The following HEATR5B variants were observed in gnomAD, a reference collection of about 807,000 sequenced individuals.
HEATR5B encodes HEAT repeat containing 5B.
Under a neutral mutation model 224.1 loss-of-function variants are expected in HEATR5B, and 156 were observed. That is an observed-to-expected ratio of 0.70 (90% CI 0.61 to 0.80). HEATR5B has a LOEUF of 0.80. Among genes scored for constraint, HEATR5B ranks in the 30% least tolerant of loss-of-function variants. The probability of loss-of-function intolerance (pLI) is 0.00; values close to 1 mark genes in which losing one functional copy is unlikely to be tolerated. For missense variants in HEATR5B, 2,323 were observed against 2,535.5 expected (o/e 0.92, Z 1.80); for synonymous variants, 1,027 against 893.0 (o/e 1.15, Z -2.68).
At chr2:37,033,394 C>T (rs963808851) in intron 21 of HEATR5B, among the ~76,000 whole-genome samples, 2 of 152,170 alleles carry the variant, frequency 1.3e-5, no homozygotes, top group East Asian at 1.9e-4. Context: ...ATCTTCTGCA[C>T]ATCTTATTTT....
intron 21 of HEATR5B, 44 bp from the exon 22 acceptor site, chr2:37,032,817 G>A (rs745629372): frequency 1.3e-6 from 2 of 1,549,324 alleles, no homozygotes; most frequent in Non-Finnish European, 1.8e-6. Flanking sequence ...TTAAAAAGCT[G>A]TAATTCTTTA....
chr2:37,075,718 G>T, intron 4 of HEATR5B, 84 bp from the exon 5 acceptor site: 1 of 932,244 alleles, frequency 1.1e-6, no homozygotes, highest in Non-Finnish European at 1.6e-6. Flanking sequence ...AGTTCTTTGG[G>T]TCTAATGGTC....
chr2:37,034,840 G>C (rs138823182), intron 21 of HEATR5B, among the ~76,000 whole-genome samples: 1 of 151,920 alleles, frequency 6.6e-6, no homozygotes, highest in Non-Finnish European at 1.5e-5. Flanking sequence ...TTACAGGTGT[G>C]AGCCACCGCA....
intron 35 of HEATR5B, among the ~76,000 whole-genome samples, chr2:36,988,220 T>G (rs1666076169): frequency 6.6e-6 from 1 of 151,620 alleles, no homozygotes; most frequent in African/African-American, 2.4e-5. Context: ...AAGAAAAAAA[T>G]CAACTCACTA....
At chr2:37,050,675 A>G (rs1427680171) in intron 17 of HEATR5B, among the ~76,000 whole-genome samples, 1 of 152,200 alleles carries the variant, frequency 6.6e-6, no homozygotes, top group African/African-American at 2.4e-5. Flanking sequence ...TGAATATGAA[A>G]CTGAATAGTT....
intron 34 of HEATR5B, 102 bp downstream of exon 34, chr2:36,990,546 A>C: frequency 1.8e-6 from 2 of 1,094,806 alleles, no homozygotes; most frequent in Non-Finnish European, 2.6e-6. Context: ...TAGTGCAAAT[A>C]CTTAGCTTTT....
intron 26 of HEATR5B, among the ~76,000 whole-genome samples, chr2:37,017,522 T>C (rs1158314170): frequency 6.7e-6 from 1 of 149,288 alleles, no homozygotes; most frequent in African/African-American, 2.5e-5. Context: ...CCGTCTCTAC[T>C]AAAAATACAA....
chr2:37,076,813 T>G, intron 4 of HEATR5B, 98 bp downstream of exon 4: 10 of 857,316 alleles, frequency 1.2e-5, no homozygotes, highest in Non-Finnish European at 1.9e-5. Context: ...CTAAGCAATA[T>G]GAGACCACAG....
chr2:37,019,840 G>A lies in HEATR5B; in HGVS notation c.4073C>T (p.Thr1358Ile), dbSNP rs780540401. The change falls in exon 26 of 36, where the codon ACA becomes ATA. Residue 1358 changes from threonine (T) to isoleucine (I), a missense_variant. Thr to Ile is a moderately conservative substitution (Grantham distance 89, BLOSUM62 -1). Around this residue, in one of 12 missense-constraint regions of HEATR5B, gnomAD observed 339 missense variants for 378.4 expected, o/e 0.90. Coordinates refer to ENST00000233099, the MANE Select transcript of HEATR5B (RefSeq NM_019024.3). ...AGCTTTCGCTATTATATCTGATGGT[G>A]TATCTTGTGAAAAGGCTGGTCTTAG... The part of the protein sequence containing the change: ...AALRPAFSQD[T>I]PSDIIAKACQ... The A allele has an allele frequency of 6.2e-7, 1 of 1,610,426 alleles. No individual in the cohort carries two copies.
intron 10 of HEATR5B, among the ~76,000 whole-genome samples, chr2:37,063,396 C>T (rs1045509514): frequency 5.3e-5 from 8 of 152,034 alleles, no homozygotes; most frequent in African/African-American, 1.4e-4. Context: ...TTTGAATGAA[C>T]GGCGGAATGA....
In HEATR5B at chr2:37,068,685, G is replaced by C; in HGVS notation, c.1173C>G (p.Ala391=). The C allele has an allele frequency of 1.9e-6, 3 of 1,613,840 alleles. No individual in the cohort carries two copies. The highest frequency in any genetic ancestry group is 2.5e-6 in the Non-Finnish European group (3 of 1,179,950). The change falls in exon 8 of 36, where the codon GCC becomes GCG. Residue 391 remains alanine, a synonymous_variant. Transcript: ENST00000233099. ...CATAATGATACTGATTCTTACCTAC[G>C]GCTTTCATTTGTTTTCCAATAGCTT... is the stretch of plus-strand genomic sequence containing the variant. ...ICQAIGKQMK[A]VEAVVNDTSG...
chr2:37,048,303 G>A (rs1445315232), intron 18 of HEATR5B, among the ~76,000 whole-genome samples: 3 of 151,576 alleles, frequency 2.0e-5, no homozygotes, highest in Admixed American at 6.6e-5. Context: ...TCCCATCTCA[G>A]CCTCCCAAGT....
In HEATR5B at chr2:36,981,669, T is replaced by C. The variant is rs377740028; in HGVS notation, c.6037A>G (p.Ile2013Val). Residue 2013 changes from isoleucine to valine, a missense_variant, in exon 36 of 36, where the codon ATT (isoleucine) becomes GTT (valine). This residue lies in a region of HEATR5B where 844 missense variants were observed against 812.9 expected (regional missense o/e 1.04). Transcript: ENST00000233099. ...HEFALQNLMH[I>V]GPLYPHAFKT... Reference sequence around the variant, plus strand: ...AAAGCATGTGGATACAGAGGTCCAATATGCATTAAATTCTGGAGTGCAAAC... The same window carrying C: ...AAAGCATGTGGATACAGAGGTCCAACATGCATTAAATTCTGGAGTGCAAAC... The C allele has an allele frequency of 6.2e-7, 1 of 1,614,140 alleles. No individual in the cohort carries two copies. Among genetic ancestry groups the C allele is most frequent in the African/African-American group, 1.3e-5 (1 of 75,034 alleles).
chr2:37,073,160 T>C (rs936180703), intron 5 of HEATR5B, among the ~76,000 whole-genome samples: 2 of 152,178 alleles, frequency 1.3e-5, no homozygotes, highest in African/African-American at 4.8e-5. Context: ...AGAAACTACA[T>C]ACCCATATCC....
Position 36,990,772 on chromosome 2 carries a change from A to G in HEATR5B, c.5573T>C (p.Val1858Ala). 1 of 1,609,718 alleles carries G rather than the reference A, an allele frequency of 6.2e-7. No homozygotes were observed. Among genetic ancestry groups the G allele is most frequent in the Non-Finnish European group, 8.5e-7 (1 of 1,177,676 alleles). The part of the protein sequence containing the change: ...PEDSVPTPDE[V>A]SMLTAIALFL... Reference sequence around the variant, plus strand: ...GAGTGCAATTGCTGTTAGCATGCTTACTTCATCAGGTGTAGGTACAGAGTC... The same window carrying G: ...GAGTGCAATTGCTGTTAGCATGCTTGCTTCATCAGGTGTAGGTACAGAGTC... The change falls in exon 34 of 36, where the codon GTA (valine) becomes GCA (alanine). Residue 1858 changes from valine to alanine, a missense_variant. Transcript: ENST00000233099.
intron 18 of HEATR5B, among the ~76,000 whole-genome samples, chr2:37,044,979 C>G (rs1029862791): frequency 8.5e-5 from 13 of 152,182 alleles, no homozygotes; most frequent in African/African-American, 3.1e-4. Flanking sequence ...GCTGACTGAC[C>G]TGTTCTTCCT....
At chr2:37,081,023 T>C (rs1318938868) in intron 2 of HEATR5B, among the ~76,000 whole-genome samples, 1 of 152,188 alleles carries the variant, frequency 6.6e-6, no homozygotes, top group Non-Finnish European at 1.5e-5. Flanking sequence ...CAGAACAAAA[T>C]TAAAGACGTT....
intron 17 of HEATR5B, 45 bp from the exon 18 acceptor site, chr2:37,049,888 CATT>C (rs1190409900): frequency 1.5e-5 from 22 of 1,424,558 alleles, no homozygotes; most frequent in East Asian, 8.5e-5. Context: ...ATTCATAATT[CATT>C]ATTATTATTT....
chr2:37,040,878 GA>G (rs1669829974), intron 19 of HEATR5B: 1 of 402,596 alleles, frequency 2.5e-6, no homozygotes, highest in Non-Finnish European at 4.3e-6. Flanking sequence ...AAAAAAAGAG[GA>G]AAAAAGTACA....
Sources: allele counts gnomAD v4.1 joint callset (sites outside exome capture counted in the v4.1 genomes callset), GRCh38; gene constraint gnomAD v4.1.1; regional missense constraint gnomAD v4.1.1; transcripts MANE v1.5; gene names NCBI Gene and HGNC (gene_info 2026-07-23, HGNC 2026-07-21).